SEC23IP: variants seen among roughly 807,000 people sequenced by gnomAD.
The protein encoded by SEC23IP is SEC23-interacting protein.
A neutral mutation model predicts 113.4 loss-of-function variants in SEC23IP; 70 were observed. The observed-to-expected ratio is 0.62, with a 90% CI of 0.51 to 0.75. The LOEUF (loss-of-function observed/expected upper bound fraction) is 0.75, where lower values mean the gene tolerates loss of function less well. Ranked by LOEUF, SEC23IP falls within the 30% of genes least tolerant of loss-of-function variation. SEC23IP has a pLI of 0.00. For missense variants in SEC23IP, 1,160 were observed against 1,204.9 expected, an observed-to-expected ratio of 0.96 and a Z score of 0.55; for synonymous variants, 398 against 421.0, an observed-to-expected ratio of 0.95 and a Z score of 0.67.
intron 13 of SEC23IP, among the ~76,000 whole-genome samples, chr10:119,927,898 C>T (rs1214055060): frequency 6.6e-6 from 1 of 152,236 alleles, no homozygotes; most frequent in African/African-American, 2.4e-5. Flanking sequence ...AGGATGGACA[C>T]AGTCCCTTCG....
intron 9 of SEC23IP, 90 bp downstream of exon 9, chr10:119,918,134 A>T: frequency 9.3e-7 from 1 of 1,070,800 alleles, no homozygotes; most frequent in South Asian, 1.5e-5. Flanking sequence ...TGCAAAATTA[A>T]GAATTACAGA....
intron 4 of SEC23IP, among the ~76,000 whole-genome samples, chr10:119,907,419 TA>T (rs1012057562): frequency 1.3e-5 from 2 of 151,864 alleles, no homozygotes; most frequent in East Asian, 1.9e-4. Flanking sequence ...TTACTAGTTT[TA>T]AAAAAAAGAC....
At chr10:119,926,468 C>A (rs760944740) in intron 13 of SEC23IP, among the ~76,000 whole-genome samples, 61 of 152,276 alleles carry the variant, frequency 4.0e-4, no homozygotes, top group African/African-American at 1.4e-3. Context: ...TCCCACCGCT[C>A]ATACTTTTAT....
chr10:119,900,090 A>T (rs1854426656), intron 2 of SEC23IP, among the ~76,000 whole-genome samples: 1 of 151,092 alleles, frequency 6.6e-6, no homozygotes, highest in South Asian at 2.1e-4. Flanking sequence ...TTTGGGGGGA[A>T]TATTTGAAGG....
intron 2 of SEC23IP, among the ~76,000 whole-genome samples, chr10:119,900,047 C>A (rs866462773): frequency 2.0e-4 from 31 of 151,700 alleles, no homozygotes; most frequent in South Asian, 1.9e-3. Context: ...CCCTTCCCCT[C>A]ATCGTTTTTT....
At chr10:119,928,045 A>C (rs963375515) in intron 13 of SEC23IP, among the ~76,000 whole-genome samples, 2 of 152,166 alleles carry the variant, frequency 1.3e-5, no homozygotes, top group African/African-American at 4.8e-5. Context: ...TATTGTAAAG[A>C]ATTAATTTTT....
At chr10:119,933,842 G>C (rs1224914188) in intron 18 of SEC23IP, 55 bp downstream of exon 18, 2 of 867,312 alleles carry the variant, frequency 2.3e-6, no homozygotes, top group African/African-American at 3.4e-5. Context: ...TCTCAAATCT[G>C]TTGTATGGAG....
At position 119,919,604 on chromosome 10, in the gene SEC23IP, T is replaced by C. The variant is rs377476933; in HGVS notation, c.2025+8T>C. ...ATTGATATGGAGTCCCTGGTACTGATCATAGTTTGCTTCATTTTGTTTGAA... is the reference window on the plus strand; with the variant it reads ...ATTGATATGGAGTCCCTGGTACTGACCATAGTTTGCTTCATTTTGTTTGAA... On this transcript the variant is annotated splice_region_variant and intron_variant, in intron 11 of 18. Coordinates refer to ENST00000369075, the MANE Select transcript of SEC23IP (RefSeq NM_007190.4). 1.9e-6 allele frequency: 3 copies of C among 1,567,340 alleles called. No individual in the cohort carries two copies. Among genetic ancestry groups the C allele is most frequent in the African/African-American group, 2.8e-5 (2 of 72,272 alleles).
chr10:119,929,913 C>T (rs759831953), intron 14 of SEC23IP, 151 bp downstream of exon 14: 127 of 574,634 alleles, frequency 2.2e-4, no homozygotes, highest in Non-Finnish European at 3.3e-4. Flanking sequence ...CCTCCCAAAT[C>T]GCTAGGATTA....
intron 11 of SEC23IP, among the ~76,000 whole-genome samples, chr10:119,920,514 A>C (rs977203011): frequency 1.3e-5 from 2 of 152,232 alleles, no homozygotes; most frequent in African/African-American, 4.8e-5. Context: ...CACACAGAGA[A>C]AAACATGTAA....
intron 18 of SEC23IP, among the ~76,000 whole-genome samples, chr10:119,935,792 G>A (rs1315552490): frequency 2.0e-5 from 3 of 152,206 alleles, no homozygotes; most frequent in African/African-American, 7.2e-5. Flanking sequence ...ATGGGTTCAA[G>A]TTATTAATGT....
At chr10:119,903,294 G>A (rs1215292923) in intron 3 of SEC23IP, among the ~76,000 whole-genome samples, 1 of 152,146 alleles carries the variant, frequency 6.6e-6, no homozygotes, top group Non-Finnish European at 1.5e-5. Context: ...TTGTTCATTT[G>A]TAGTTATGGG....
intron 4 of SEC23IP, among the ~76,000 whole-genome samples, chr10:119,906,332 G>T (rs1854664642): frequency 6.7e-6 from 1 of 148,696 alleles, no homozygotes; most frequent in Non-Finnish European, 1.5e-5. Context: ...GTTCATGTAG[G>T]CACTATCATA....
Position 119,941,620 on chromosome 10 carries a change from A to G in SEC23IP, c.*1055A>G, listed in dbSNP as rs1329898825. On this transcript the variant is annotated 3_prime_UTR_variant, in exon 19 of 19. Transcript: ENST00000369075. Reference sequence around the variant, plus strand: ...AGTGGAAACATTTTGCATTGTTTACATAGTTCTCATGGAACATGGAAATTT... The same window carrying G: ...AGTGGAAACATTTTGCATTGTTTACGTAGTTCTCATGGAACATGGAAATTT... 2.0e-5 allele frequency: 3 copies of G among 152,700 alleles called. No individual in the cohort carries two copies. Among genetic ancestry groups the G allele is most frequent in the African/African-American group, 7.2e-5 (3 of 41,478 alleles). 9.5% of individuals were successfully genotyped at this position (152,700 alleles called of 1,614,324 possible).
chr10:119,906,483 A>T (rs964370669), intron 4 of SEC23IP, among the ~76,000 whole-genome samples: 1 of 151,888 alleles, frequency 6.6e-6, no homozygotes, highest in African/African-American at 2.4e-5. Context: ...GTCAAGGATA[A>T]CCAAGACCAT....
In SEC23IP at chr10:119,898,936, A is replaced by G. The variant is rs752606402; in HGVS notation, c.673A>G (p.Met225Val). Residue 225 changes from methionine (M) to valine (V), a missense_variant, in exon 2 of 19, where the codon ATG becomes GTG. Transcript: ENST00000369075. Reference protein sequence around the residue: ...PSGPPVQMYQMPPGSLPPVPS... With the variant: ...PSGPPVQMYQVPPGSLPPVPS... ...TGGACCCCCTGTTCAGATGTACCAG[A>G]TGCCTCCAGGATCTTTGCCACCGGT... 1 of 1,594,228 alleles carries G rather than the reference A, an allele frequency of 6.3e-7. No homozygotes were observed.
At position 119,929,680 on chromosome 10, in the gene SEC23IP, T is replaced by G. The variant is rs1197007642; in HGVS notation, c.2387T>G (p.Phe796Cys). 1.9e-6 allele frequency: 3 copies of G among 1,604,472 alleles called. No individual in the cohort carries two copies. The African/African-American group carries it at 4.0e-5, about 21-fold the overall frequency. ...GCCTTGGGGTCTCCAATTGCTATGT[T>G]TCTCACTATTCGAGGAGTTGATAGG... ...FFALGSPIAM[F>C]LTIRGVDRID... The change falls in exon 14 of 19, where the codon TTT becomes TGT. Residue 796 changes from phenylalanine (F) to cysteine (C), a missense_variant. Coordinates refer to ENST00000369075, the MANE Select transcript of SEC23IP (RefSeq NM_007190.4).
rs529486748 is a variant in SEC23IP at position 119,944,565 on chromosome 10, G to A, written c.*4000G>A. ...TTGGAAAGAACATCACAACTGGGGC[G>A]ACTGAAGAAATTATGTTGTTAAGCA... On this transcript the variant is annotated 3_prime_UTR_variant, in exon 19 of 19. Transcript: ENST00000369075. 2.0e-5 allele frequency: 3 copies of A among 152,216 alleles called. No homozygotes were observed. Among genetic ancestry groups the A allele is most frequent in the Non-Finnish European group, 4.4e-5 (3 of 68,038 alleles). 9.4% of individuals were successfully genotyped at this position (152,216 alleles called of 1,614,324 possible).
intron 1 of SEC23IP, among the ~76,000 whole-genome samples, chr10:119,895,374 T>C (rs1854241525): frequency 6.6e-6 from 1 of 152,116 alleles, no homozygotes; most frequent in South Asian, 2.1e-4. Context: ...TGAGACTCCA[T>C]CTCAAAAACA....
Sources: gnomAD v4.1 joint callset for allele counts (sites outside exome capture counted in the v4.1 genomes callset) on GRCh38, gnomAD v4.1.1 for gene constraint, MANE v1.5 for transcripts, NCBI Gene and HGNC (gene_info 2026-07-23, HGNC 2026-07-21) for gene names.